SAP130: variants seen among roughly 807,000 people sequenced by gnomAD.
SAP130 encodes histone deacetylase complex subunit SAP130.
In SAP130, 16 loss-of-function variants were observed where a neutral mutation model predicts 103.2. That is an observed-to-expected ratio of 0.16 (90% CI 0.10 to 0.24). SAP130 has a LOEUF of 0.24. SAP130 is among the 10% of genes least tolerant of loss of function. The pLI is 1.00. For synonymous variants in SAP130, 477 were observed against 497.0 expected (o/e 0.96, Z 0.53); for missense variants, 990 against 1,359.7 (o/e 0.73, Z 4.28).
intron 7 of SAP130, among the ~76,000 whole-genome samples, chr2:128,005,626 A>C (rs914448580): frequency 2.0e-5 from 3 of 151,810 alleles, no homozygotes; most frequent in Admixed American, 6.6e-5. Context: ...AAAAACAAAC[A>C]AACTGTTCAT....
At chr2:127,977,303 G>T (rs536313467) in intron 15 of SAP130, among the ~76,000 whole-genome samples, 1 of 132,450 alleles carries the variant, frequency 7.6e-6, no homozygotes, top group Non-Finnish European at 1.5e-5. Flanking sequence ...CAGCCTGGCC[G>T]ACATGGCGAA....
intron 15 of SAP130, among the ~76,000 whole-genome samples, chr2:127,969,766 A>G (rs1469520459): frequency 6.6e-6 from 1 of 152,110 alleles, no homozygotes; most frequent in African/African-American, 2.4e-5. Context: ...CACATAATGT[A>G]TTTGTCTGTG....
intron 2 of SAP130, among the ~76,000 whole-genome samples, chr2:128,025,669 T>C (rs1282373555): frequency 6.6e-6 from 1 of 152,186 alleles, no homozygotes. Context: ...TGATTTAAAA[T>C]ATACTGGAGG....
intron 13 of SAP130, among the ~76,000 whole-genome samples, chr2:127,987,247 C>G (rs1030878725): frequency 1.3e-5 from 2 of 152,180 alleles, no homozygotes; most frequent in Admixed American, 6.5e-5. Context: ...TACAGTGGTG[C>G]AATCTCAGCT....
At chr2:128,027,381 A>G in intron 1 of SAP130, 3 of 1,141,438 alleles carry the variant, frequency 2.6e-6, no homozygotes, top group Non-Finnish European at 3.2e-6. Context: ...ATCCACAGCG[A>G]CCTGCACGTT....
In SAP130 at chr2:127,941,786, T is replaced by G; in HGVS notation, c.*220A>C. Reference sequence around the variant, plus strand: ...GAGTCACTTATGACACAGATCAGGTTTAACAGGGGTGCACCCGAACGCAAG... The same window carrying G: ...GAGTCACTTATGACACAGATCAGGTGTAACAGGGGTGCACCCGAACGCAAG... On this transcript the variant is annotated 3_prime_UTR_variant, in exon 21 of 21. Transcript: ENST00000643581. The G allele has an allele frequency of 1.8e-6, 1 of 543,978 alleles. No individual in the cohort carries two copies. The highest frequency in any genetic ancestry group is 3.2e-6 in the Non-Finnish European group (1 of 311,186). 33.7% of individuals were successfully genotyped at this position (543,978 alleles called of 1,614,324 possible).
chr2:128,018,483 C>CAAAA lies in SAP130; in HGVS notation c.113-572_113-569dup, dbSNP rs759445928. Among the ~76,000 whole-genome samples the CAAAA allele has an allele frequency of 8.8e-4, 61 of 69,460 alleles. 1 individual carries two copies. The highest frequency in any genetic ancestry group is 2.4e-3 in the African/African-American group (36 of 15,284). 45.6% of individuals were successfully genotyped at this position (69,460 alleles called of 152,430 possible). A position where few individuals can be genotyped will look rare whatever the true frequency, so the allele number is the denominator to read the frequency against. On this transcript the variant is annotated intron_variant, in intron 2 of 20. Coordinates refer to ENST00000643581, the MANE Select transcript of SAP130 (RefSeq NM_001330301.2). ...CTGGGCGAGAGAGGAAGATTGTCTC[C>CAAAA]AAAAAAAAAAAAAAAAAAAAAAAGG...
intron 14 of SAP130, among the ~76,000 whole-genome samples, chr2:127,985,726 T>C (rs751957501): frequency 6.6e-6 from 1 of 151,896 alleles, no homozygotes; most frequent in Non-Finnish European, 1.5e-5. Context: ...ACAGGCATTT[T>C]TGTTTTCCTG....
At chr2:128,019,499 G>T (rs1326917516) in intron 2 of SAP130, among the ~76,000 whole-genome samples, 3 of 152,132 alleles carry the variant, frequency 2.0e-5, no homozygotes, top group Non-Finnish European at 4.4e-5. Context: ...GAATACCTGG[G>T]ATCGAGTGTT....
chr2:128,012,588 A>T (rs1197828055), intron 6 of SAP130, among the ~76,000 whole-genome samples: 3 of 152,180 alleles, frequency 2.0e-5, no homozygotes, highest in Non-Finnish European at 4.4e-5. Flanking sequence ...CAAATATATT[A>T]TACTTCAGTA....
chr2:127,954,446 A>G (rs1404425472), intron 16 of SAP130, among the ~76,000 whole-genome samples: 1 of 148,402 alleles, frequency 6.7e-6, no homozygotes, highest in Admixed American at 6.7e-5. Flanking sequence ...TAAATTATTA[A>G]AAAAAAAAAA....
At chr2:127,990,938 CAA>C (rs36073149) in intron 12 of SAP130, among the ~76,000 whole-genome samples, 7 of 119,426 alleles carry the variant, frequency 5.9e-5, no homozygotes, top group South Asian at 2.8e-4. Flanking sequence ...AAGACTGTCT[CAA>C]AAAAAAAAAA....
chr2:127,976,209 C>G (rs906160677), intron 15 of SAP130, among the ~76,000 whole-genome samples: 1 of 152,178 alleles, frequency 6.6e-6, no homozygotes, highest in Non-Finnish European at 1.5e-5. Context: ...TATATCAAAG[C>G]CTTGGTTCCT....
In SAP130 at chr2:127,955,546, GC is replaced by G. The variant is rs1353275121; in HGVS notation, c.2064-203del. Among the ~76,000 whole-genome samples, 4 of 152,210 alleles carry G rather than the reference GC, an allele frequency of 2.6e-5. No homozygotes were observed. In the South Asian group the frequency reaches 8.3e-4, roughly 32 times the overall value. On this transcript the variant is annotated intron_variant, in intron 15 of 20. Coordinates refer to ENST00000643581, the MANE Select transcript of SAP130 (RefSeq NM_001330301.2). This position sits in a 1 kb window ranked among gnomAD's most constrained non-coding sequence, Gnocchi z 4.9. Reference sequence around the variant, plus strand: ...CTGTTACCCATGCTGGAGTGAAGTGGCGTGATCTTGGCTCACCGCAACCTCT... The same window carrying G: ...CTGTTACCCATGCTGGAGTGAAGTGGGTGATCTTGGCTCACCGCAACCTCT...
rs1036620115 is a variant in SAP130, at chr2:127,986,651, T to C, written c.1958+134A>G. 1.0e-5 allele frequency: 10 copies of C among 963,300 alleles called. No individual in the cohort carries two copies. Among genetic ancestry groups the C allele is most frequent in the Non-Finnish European group, 1.6e-5 (10 of 638,070 alleles). The allele number at this position is 963,300 out of a possible 1,614,324, so 59.7% of individuals were successfully genotyped here. On this transcript the variant is annotated intron_variant, in intron 14 of 20. Coordinates refer to ENST00000643581, the MANE Select transcript of SAP130 (RefSeq NM_001330301.2). This position sits in a 1 kb window ranked among gnomAD's most constrained non-coding sequence, Gnocchi z 4.7. ...ACTGAATAATCCTGTGGTCAAGTTG[T>C]TTTGGAGGAAATTTTAACACACCAC... is the stretch of plus-strand genomic sequence containing the variant.
intron 15 of SAP130, among the ~76,000 whole-genome samples, chr2:127,959,714 T>C (rs957824639): frequency 6.6e-6 from 1 of 152,008 alleles, no homozygotes; most frequent in Non-Finnish European, 1.5e-5. Flanking sequence ...AAGAGATAAA[T>C]GATGAAGCAA....
In SAP130 at chr2:127,941,832, G is replaced by GT. The variant is rs1678732900; in HGVS notation, c.*173dup. Reference sequence around the variant, plus strand: ...GCAAGAAGGCAGCTCACTATGTCCAGTCAGCTCTGATCCTTTCACGCCCTT... The same window carrying GT: ...GCAAGAAGGCAGCTCACTATGTCCAGTTCAGCTCTGATCCTTTCACGCCCTT... On this transcript the variant is annotated 3_prime_UTR_variant, in exon 21 of 21. Transcript: ENST00000643581. 1.3e-5 allele frequency: 8 copies of GT among 625,458 alleles called. No individual in the cohort carries two copies. Among genetic ancestry groups the GT allele is most frequent in the Non-Finnish European group, 2.2e-5 (8 of 365,264 alleles). The allele number at this position is 625,458 out of a possible 1,614,324, so 38.7% of individuals were successfully genotyped here. A position where few individuals can be genotyped will look rare whatever the true frequency, so the allele number is the denominator to read the frequency against.
At chr2:127,967,664 G>A (rs1278325592) in intron 15 of SAP130, among the ~76,000 whole-genome samples, 3 of 152,156 alleles carry the variant, frequency 2.0e-5, no homozygotes, top group African/African-American at 7.2e-5. Context: ...CCAAAGCACT[G>A]GGATTACAGG....
At chr2:127,964,773 G>GT (rs1276233932) in intron 15 of SAP130, among the ~76,000 whole-genome samples, 8 of 151,794 alleles carry the variant, frequency 5.3e-5, no homozygotes, top group African/African-American at 1.9e-4. Flanking sequence ...GAGGCGGGTG[G>GT]ATCACCTGAG....
Sources: allele counts gnomAD v4.1 joint callset (sites outside exome capture counted in the v4.1 genomes callset), GRCh38; gene constraint gnomAD v4.1.1; non-coding constraint Gnocchi (gnomAD v3.1); transcripts MANE v1.5; gene names NCBI Gene and HGNC (gene_info 2026-07-23, HGNC 2026-07-21).